NBEA: variants seen among roughly 807,000 people sequenced by gnomAD.
NBEA encodes the protein lysosomal-trafficking regulator 2.
NBEA carries 44 observed loss-of-function variants against 343.4 expected under a neutral mutation model. The observed-to-expected ratio is 0.13, with a 90% confidence interval of 0.10 to 0.16. The LOEUF (loss-of-function observed/expected upper bound fraction) is 0.16. Among genes scored for constraint, NBEA ranks in the 10% least tolerant of loss-of-function variants. NBEA has a pLI of 1.00. For missense variants in NBEA, 2,555 were observed against 3,631.3 expected, an observed-to-expected ratio of 0.70 and a Z score of 7.62; for synonymous variants, 1,175 against 1,238.7, an observed-to-expected ratio of 0.95 and a Z score of 1.08.
intron 36 of NBEA, among the ~76,000 whole-genome samples, chr13:35,348,325 G>A (rs893195182): frequency 7.2e-5 from 11 of 152,048 alleles, no homozygotes; most frequent in Admixed American, 5.2e-4. Context: ...TGTGGGAAAA[G>A]AATATATTTG....
At chr13:35,274,518 A>G (rs554426555) in intron 34 of NBEA, among the ~76,000 whole-genome samples, 79 of 152,334 alleles carry the variant, frequency 5.2e-4, no homozygotes, top group African/African-American at 1.8e-3. Flanking sequence ...GGCCAGGGCA[A>G]TCAGGCAAGA....
At chr13:35,372,495 TAC>T (rs1237321396) in intron 38 of NBEA, among the ~76,000 whole-genome samples, 1 of 152,116 alleles carries the variant, frequency 6.6e-6, no homozygotes, top group Admixed American at 6.5e-5. Context: ...ATCCTGGTGA[TAC>T]ATGCATATGC....
chr13:35,020,864 G>T (rs971623843), intron 1 of NBEA, among the ~76,000 whole-genome samples: 2 of 151,938 alleles, frequency 1.3e-5, no homozygotes, highest in East Asian at 1.9e-4. Context: ...ATGGGGGGAG[G>T]TGTCTTTTTA....
intron 5 of NBEA, among the ~76,000 whole-genome samples, chr13:35,049,850 T>G (rs553900638): frequency 6.7e-6 from 1 of 150,068 alleles, no homozygotes; most frequent in South Asian, 2.1e-4. Flanking sequence ...GACCAAGTTT[T>G]TTTTTCTTTT....
intron 41 of NBEA, among the ~76,000 whole-genome samples, chr13:35,482,385 G>T (rs1449482068): frequency 6.6e-6 from 1 of 150,920 alleles, no homozygotes; most frequent in Non-Finnish European, 1.5e-5. Flanking sequence ...TTCATTTCCA[G>T]TTACATTTCA....
intron 33 of NBEA, among the ~76,000 whole-genome samples, chr13:35,217,858 C>CA: frequency 6.6e-6 from 1 of 152,122 alleles, no homozygotes; most frequent in Non-Finnish European, 1.5e-5. Context: ...TTATTCTTTT[C>CA]AAAAAATTAT....
rs1245302183 is a variant in NBEA, at chr13:35,211,094, A to G, written c.5563A>G (p.Ser1855Gly). ...GTCCTCCTCCTCTTCCTCCTCTTCT[A>G]GTTTTGTGAATGGTGCTACTAGCAA... is the stretch of plus-strand genomic sequence containing the variant. ...SGSSSSSSSS[S>G]FVNGATSKNL... The change falls in exon 33 of 59, where the codon AGT (serine) becomes GGT (glycine). Residue 1855 changes from serine to glycine, a missense_variant. Transcript: ENST00000379939. 1.3e-6 allele frequency: 2 copies of G among 1,551,408 alleles called. No individual in the cohort carries two copies. The highest frequency in any genetic ancestry group is 1.7e-6 in the Non-Finnish European group (2 of 1,146,738).
At chr13:35,642,754 G>A (rs2084023836) in intron 49 of NBEA, among the ~76,000 whole-genome samples, 1 of 152,042 alleles carries the variant, frequency 6.6e-6, no homozygotes, top group African/African-American at 2.4e-5. Context: ...TTTCTTGTAT[G>A]CCATTTACTG....
intron 1 of NBEA, among the ~76,000 whole-genome samples, chr13:34,968,447 A>G (rs951411197): frequency 1.3e-5 from 2 of 152,180 alleles, no homozygotes; most frequent in Admixed American, 6.6e-5. Context: ...GGGTCTTGTT[A>G]TGAATAGCAA....
At chr13:35,324,691 A>G (rs950421882) in intron 36 of NBEA, among the ~76,000 whole-genome samples, 2 of 152,210 alleles carry the variant, frequency 1.3e-5, no homozygotes, top group Non-Finnish European at 2.9e-5. Flanking sequence ...GTTAGGATTT[A>G]TGTGCAGAAA....
chr13:35,410,869 C>T (rs1447601742), intron 38 of NBEA, among the ~76,000 whole-genome samples: 1 of 152,164 alleles, frequency 6.6e-6, no homozygotes, highest in Admixed American at 6.6e-5. Context: ...TGAGCAGGAA[C>T]ATTATCAAGT....
intron 35 of NBEA, among the ~76,000 whole-genome samples, chr13:35,298,559 A>C (rs2036315850): frequency 6.6e-6 from 1 of 151,918 alleles, no homozygotes; most frequent in African/African-American, 2.4e-5. Flanking sequence ...CCTAATAAAC[A>C]TGAGTGTTGT....
intron 33 of NBEA, among the ~76,000 whole-genome samples, chr13:35,212,740 G>T (rs927073509): frequency 6.6e-6 from 1 of 152,052 alleles, no homozygotes; most frequent in Admixed American, 6.6e-5. Context: ...AAGTATAGTG[G>T]CATTCCATTG....
chr13:35,134,234 A>G (rs1313401428), intron 17 of NBEA, among the ~76,000 whole-genome samples: 2 of 152,176 alleles, frequency 1.3e-5, no homozygotes, highest in East Asian at 3.9e-4. Context: ...CTCTCTCAGA[A>G]TGGGACCAAT....
intron 34 of NBEA, among the ~76,000 whole-genome samples, chr13:35,289,425 T>G (rs920800413): frequency 6.6e-6 from 1 of 151,866 alleles, no homozygotes; most frequent in African/African-American, 2.4e-5. Flanking sequence ...ACATCATAAT[T>G]AACGTACTCT....
chr13:35,667,523 A>G lies in NBEA; in HGVS notation c.8614A>G (p.Ile2872Val), dbSNP rs1344786326. 6.2e-7 allele frequency: 1 copy of G among 1,614,080 alleles called. No individual in the cohort carries two copies. Residue 2872 changes from isoleucine (I) to valine (V), a missense_variant, in exon 57 of 59, where the codon ATT becomes GTT. This residue lies in a region of NBEA where 186 missense variants were observed against 328.9 expected (regional missense o/e 0.57). Transcript: ENST00000379939. ...YERGRFSNFS[I>V]NGKLLAQMEI... Reference sequence around the variant, plus strand: ...ACGAGGGCGATTCAGTAATTTCAGCATTAATGGGAAACTTTTGGCTCAAAT... The same window carrying G: ...ACGAGGGCGATTCAGTAATTTCAGCGTTAATGGGAAACTTTTGGCTCAAAT...
rs556820871 is a variant in NBEA, at chr13:35,659,845, T to A, written c.8362+4096T>A. Among the ~76,000 whole-genome samples the A allele has an allele frequency of 2.0e-5, 3 of 152,374 alleles. No homozygotes were observed. The South Asian group carries it at 6.2e-4, about 32-fold the overall frequency. On this transcript the variant is annotated intron_variant, in intron 55 of 58. Coordinates refer to ENST00000379939, the MANE Select transcript of NBEA (RefSeq NM_001385012.1). Reference sequence around the variant, plus strand: ...GAATTGCAAAGATGTGAAGGACAGATGCTTTCATCCGAAACAGACTTTTAC... The same window carrying A: ...GAATTGCAAAGATGTGAAGGACAGAAGCTTTCATCCGAAACAGACTTTTAC...
intron 10 of NBEA, among the ~76,000 whole-genome samples, chr13:35,079,005 AGC>A (rs1387048906): frequency 6.6e-6 from 1 of 152,158 alleles, no homozygotes; most frequent in Non-Finnish European, 1.5e-5. Flanking sequence ...CTGGCAACAG[AGC>A]GAGATTGTGT....
chr13:35,524,473 A>G (rs1458648471), intron 41 of NBEA, among the ~76,000 whole-genome samples: 1 of 152,192 alleles, frequency 6.6e-6, no homozygotes, highest in Non-Finnish European at 1.5e-5. Flanking sequence ...GAACTGAGCC[A>G]TTCTCAGCAA....
Sources: allele counts gnomAD v4.1 joint callset (sites outside exome capture counted in the v4.1 genomes callset), GRCh38; gene constraint gnomAD v4.1.1; regional missense constraint gnomAD v4.1.1; transcripts MANE v1.5; gene names NCBI Gene and HGNC (gene_info 2026-07-23, HGNC 2026-07-21).